ZNF726: variants seen among roughly 807,000 people sequenced by gnomAD.
ZNF726 encodes zinc finger protein 726, also known as zinc finger protein 92 pseudogene 3.
Under a neutral mutation model 11.6 loss-of-function variants are expected in ZNF726, and 15 were observed. The ratio of observed to expected loss-of-function variants is 1.29; its 90% confidence interval spans 0.86 to 1.99. The LOEUF (loss-of-function observed/expected upper bound fraction) is 1.99. Among genes scored for constraint, ZNF726 ranks in the 30% most tolerant of loss-of-function variants. The probability of loss-of-function intolerance (pLI) is 0.00; values close to 1 mark genes in which losing one functional copy is unlikely to be tolerated. For missense variants in ZNF726, 890 were observed against 725.6 expected, an observed-to-expected ratio of 1.23 and a Z score of -2.60; for synonymous variants, 295 against 243.6, an observed-to-expected ratio of 1.21 and a Z score of -1.96.
chr19:23,937,533 C>T (rs1233752908), downstream of ZNF726, among the ~76,000 whole-genome samples: 2 of 151,764 alleles, frequency 1.3e-5, no homozygotes, highest in Non-Finnish European at 2.9e-5. Context: ...GTGCTCCCCA[C>T]ATCTCAGACG....
At chr19:23,941,016 G>A (rs907661739) in intron 3 of ZNF726, among the ~76,000 whole-genome samples, 6 of 152,128 alleles carry the variant, frequency 3.9e-5, no homozygotes, top group African/African-American at 1.2e-4. Flanking sequence ...CCAGAACTAT[G>A]TTGAAGTGGA....
In ZNF726 at chr19:23,932,559, G is replaced by C; in HGVS notation, c.443G>C (p.Gly148Ala). 1 of 1,584,648 alleles carries C rather than the reference G, an allele frequency of 6.3e-7. No homozygotes were observed. The change falls in exon 4 of 4, where the codon GGT (glycine) becomes GCT (alanine). Residue 148 changes from glycine to alanine, a missense_variant. By Grantham distance (60) the Gly-to-Ala change is moderately conservative (BLOSUM62 0). Transcript: ENST00000594466. ...ACCCAGGGCAAAGCTTCTCAATGTG[G>C]TAAATATTTGAAAGTCTTTTATAAA... ...TTTQGKASQC[G>A]KYLKVFYKFI...
chr19:23,942,953 G>A (rs1477632473), intron 3 of ZNF726, among the ~76,000 whole-genome samples: 3 of 152,112 alleles, frequency 2.0e-5, no homozygotes, highest in Admixed American at 6.5e-5. Context: ...TTCAGTGTTA[G>A]TATTGAAATG....
intron 3 of ZNF726, chr19:23,920,299 C>T (rs146740514): frequency 8.6e-5 from 28 of 324,908 alleles, no homozygotes; most frequent in East Asian, 1.4e-4. Flanking sequence ...TCTTCCTTAA[C>T]GTTTACAGTG....
intron 3 of ZNF726, among the ~76,000 whole-genome samples, chr19:23,943,273 C>A (rs550814571): frequency 6.6e-6 from 1 of 152,314 alleles, no homozygotes; most frequent in South Asian, 2.1e-4. Flanking sequence ...ATATTAAAAT[C>A]CAATATCCAG....
intron 3 of ZNF726, among the ~76,000 whole-genome samples, chr19:23,926,194 A>T: frequency 6.6e-6 from 1 of 152,102 alleles, no homozygotes; most frequent in East Asian, 1.9e-4. Context: ...TCATGCATTT[A>T]ATTTTATATC....
At chr19:23,915,279 G>T (rs987956531) in intron 1 of ZNF726, among the ~76,000 whole-genome samples, 1 of 152,174 alleles carries the variant, frequency 6.6e-6, no homozygotes, top group African/African-American at 2.4e-5. Flanking sequence ...CCCAGATTGT[G>T]CAGGGACCAT....
chr19:23,922,503 A>G (rs918395555), intron 3 of ZNF726, among the ~76,000 whole-genome samples: 10 of 152,204 alleles, frequency 6.6e-5, no homozygotes, highest in African/African-American at 2.4e-4. Flanking sequence ...TTGGCTCCCA[A>G]GACTGTGGCT....
At chr19:23,942,505 G>A (rs143643782) in intron 3 of ZNF726, among the ~76,000 whole-genome samples, 44 of 152,282 alleles carry the variant, frequency 2.9e-4, no homozygotes, top group African/African-American at 9.1e-4. Context: ...TAAATCCATT[G>A]TTTCTTTGTT....
At chr19:23,917,139 T>C (rs1165272746) in intron 1 of ZNF726, among the ~76,000 whole-genome samples, 2 of 152,116 alleles carry the variant, frequency 1.3e-5, no homozygotes, top group Non-Finnish European at 2.9e-5. Flanking sequence ...TTAGTAGAAA[T>C]GGAGTTTCAC....
intron 3 of ZNF726, chr19:23,929,220 G>T (rs902572681): frequency 3.3e-5 from 5 of 152,042 alleles, no homozygotes; most frequent in Non-Finnish European, 7.3e-5. Context: ...TAATTGTGTA[G>T]TGATGTGCTT....
Position 23,943,854 on chromosome 19 carries a change from A to G in ZNF726, c.322+265A>G, listed in dbSNP as rs550225277. The G allele has an allele frequency of 1.5e-5, 4 of 274,318 alleles. No individual in the cohort carries two copies. In the South Asian group the frequency reaches 6.5e-4, roughly 45 times the overall value. The allele number at this position is 274,318 out of a possible 1,614,324, so 17.0% of individuals were successfully genotyped here. On this transcript the variant is annotated intron_variant, in intron 4 of 4. Coordinates refer to the ZNF726 transcript ENST00000334589. The stretch of plus-strand genomic sequence containing the variant: ...CTCTTTATGGCTTATAAGGTACTGC[A>G]TGATATACCTGCTCTTCCATTGCTT...
At chr19:23,937,080 CG>C (rs1555734865), downstream of ZNF726, among the ~76,000 whole-genome samples, 3 of 142,430 alleles carry the variant, frequency 2.1e-5, no homozygotes, top group African/African-American at 7.8e-5. Context: ...GCTGGCCGGG[CG>C]GGGGGCTGAC....
chr19:23,939,265 C>T (rs1276838449), downstream of ZNF726, among the ~76,000 whole-genome samples: 3 of 152,138 alleles, frequency 2.0e-5, no homozygotes, highest in Admixed American at 2.0e-4. Flanking sequence ...ATAATAGTCT[C>T]CAATATCATC....
chr19:23,923,789 T>C (rs1247701163), intron 3 of ZNF726: 1 of 153,276 alleles, frequency 6.5e-6, no homozygotes, highest in African/African-American at 2.4e-5. Context: ...CTAGTTGTAA[T>C]GAGTAAACAT....
chr19:23,942,051 G>T (rs1291171117), intron 3 of ZNF726, among the ~76,000 whole-genome samples: 1 of 151,960 alleles, frequency 6.6e-6, no homozygotes, highest in African/African-American at 2.4e-5. Context: ...TCCTTGAGGT[G>T]GACCTTAGAT....
At chr19:23,938,897 G>A (rs536565235), downstream of ZNF726, among the ~76,000 whole-genome samples, 26 of 152,156 alleles carry the variant, frequency 1.7e-4, no homozygotes, top group African/African-American at 5.1e-4. Context: ...GTGAGCCACC[G>A]TGCCTGGCCT....
At position 23,932,502 on chromosome 19, in the gene ZNF726, G is replaced by T. The variant is rs775971767; in HGVS notation, c.386G>T (p.Gly129Val). ...SVDECKVHKE[G>V]YNGLNQCFTT... is the part of the protein sequence containing the mutation. Reference sequence around the variant, plus strand: ...GATGAGTGTAAGGTACACAAAGAAGGTTATAATGGACTTAACCAGTGTTTC... The same window carrying T: ...GATGAGTGTAAGGTACACAAAGAAGTTTATAATGGACTTAACCAGTGTTTC... Residue 129 changes from glycine to valine, a missense_variant, in exon 4 of 4, where the codon GGT becomes GTT. Coordinates refer to ENST00000594466, the MANE Select transcript of ZNF726 (RefSeq NM_001244038.2). 4.4e-6 allele frequency: 7 copies of T among 1,587,702 alleles called. No homozygotes were observed. The highest frequency in any genetic ancestry group is 4.1e-5 in the African/African-American group (3 of 73,512).
At chr19:23,923,180 A>G (rs915385728) in intron 3 of ZNF726, among the ~76,000 whole-genome samples, 1 of 152,072 alleles carries the variant, frequency 6.6e-6, no homozygotes, top group Admixed American at 6.6e-5. Context: ...GGCTCTAACC[A>G]TATTCTGCTA....
Sources: gnomAD v4.1 joint callset for allele counts (sites outside exome capture counted in the v4.1 genomes callset) on GRCh38, gnomAD v4.1.1 for gene constraint, MANE v1.5 for transcripts, NCBI Gene and HGNC (gene_info 2026-07-23, HGNC 2026-07-21) for gene names.